WDR19: variants seen among roughly 807,000 people sequenced by gnomAD.
WDR19 encodes the protein WD repeat domain 19.
A neutral mutation model predicts 180.0 loss-of-function variants in WDR19; 121 were observed. The observed-to-expected ratio is 0.67, with a 90% CI of 0.58 to 0.78. The LOEUF (loss-of-function observed/expected upper bound fraction) is 0.78, where lower values mean the gene tolerates loss of function less well. Among genes scored for constraint, WDR19 ranks in the 30% least tolerant of loss-of-function variants. The pLI is 0.00. For synonymous variants in WDR19, 497 were observed against 540.7 expected (o/e 0.92, Z 1.12); for missense variants, 1,450 against 1,640.7 (o/e 0.88, Z 2.01).
In WDR19 at chr4:39,216,185, T is replaced by A; in HGVS notation, c.1224T>A (p.Ala408=). ...TGGCTGTAGGAATGAATAATCGAGCTTGGTTTTATGTCCTTGGAGAAAATG... is the reference window on the plus strand; with the variant it reads ...TGGCTGTAGGAATGAATAATCGAGCATGGTTTTATGTCCTTGGAGAAAATG... The part of the protein sequence containing the change: ...YHLAVGMNNR[A]WFYVLGENAV... Residue 408 remains alanine, a synonymous_variant, in exon 12 of 37, where the codon GCT becomes GCA. Transcript: ENST00000399820. 6.3e-7 allele frequency: 1 copy of A among 1,578,728 alleles called. No homozygotes were observed. Among genetic ancestry groups the A allele is most frequent in the Non-Finnish European group, 8.6e-7 (1 of 1,162,434 alleles).
intron 14 of WDR19, 67 bp downstream of exon 14, chr4:39,218,172 TTC>T: frequency 6.5e-7 from 1 of 1,535,922 alleles, no homozygotes; most frequent in Non-Finnish European, 8.8e-7. Context: ...ATCTCAGTCA[TTC>T]TCTTTTCCTA....
At chr4:39,190,067 G>A (rs1255791113) in intron 4 of WDR19, among the ~76,000 whole-genome samples, 1 of 152,228 alleles carries the variant, frequency 6.6e-6, no homozygotes, top group Non-Finnish European at 1.5e-5. Context: ...CATAGGCATG[G>A]CTAGATCTAG....
At chr4:39,210,992 G>A (rs1276222865) in intron 9 of WDR19, among the ~76,000 whole-genome samples, 1 of 151,936 alleles carries the variant, frequency 6.6e-6, no homozygotes, top group Non-Finnish European at 1.5e-5. Flanking sequence ...TGTAGTCCAA[G>A]CAACTTGGGA....
intron 4 of WDR19, among the ~76,000 whole-genome samples, chr4:39,190,560 C>T (rs1726046567): frequency 6.6e-6 from 1 of 152,152 alleles, no homozygotes; most frequent in South Asian, 2.1e-4. Flanking sequence ...TTCATGTACC[C>T]CTCATGTGGG....
At chr4:39,270,145 G>T in intron 31 of WDR19, 45 bp downstream of exon 31, 1 of 1,606,178 alleles carries the variant, frequency 6.2e-7, no homozygotes, top group Non-Finnish European at 8.5e-7. Flanking sequence ...CCAGGTGTTT[G>T]TCCCCCATTG....
chr4:39,197,106 T>C (rs1456248068), intron 5 of WDR19, among the ~76,000 whole-genome samples: 1 of 152,156 alleles, frequency 6.6e-6, no homozygotes, highest in Admixed American at 6.5e-5. Context: ...CCTACTATTA[T>C]TCCCAATTTA....
chr4:39,245,327 G>T, intron 23 of WDR19, 42 bp from the exon 24 acceptor site: 1 of 1,509,644 alleles, frequency 6.6e-7, no homozygotes, highest in Non-Finnish European at 9.1e-7. Flanking sequence ...CTTTTGGAGT[G>T]AACACAGTAC....
At chr4:39,258,021 T>C (rs1379837282) in intron 28 of WDR19, among the ~76,000 whole-genome samples, 2 of 151,878 alleles carry the variant, frequency 1.3e-5, no homozygotes, top group African/African-American at 2.4e-5. Context: ...TTCTGACTTA[T>C]ATTCTTATAG....
At chr4:39,185,669 C>T in intron 1 of WDR19, 57 bp from the exon 2 acceptor site, 6 of 1,488,812 alleles carry the variant, frequency 4.0e-6, no homozygotes, top group Non-Finnish European at 5.5e-6. Flanking sequence ...GATACCTTTT[C>T]TGATCAACAC....
At chr4:39,205,860 T>C in intron 9 of WDR19, 124 bp downstream of exon 9, 1 of 912,094 alleles carries the variant, frequency 1.1e-6, no homozygotes, top group Non-Finnish European at 1.6e-6. Context: ...CTAAGACTAC[T>C]TTGCTCCTGA....
chr4:39,203,811 A>G (rs1236884098), intron 7 of WDR19, 89 bp downstream of exon 7: 4 of 1,227,992 alleles, frequency 3.3e-6, no homozygotes, highest in Non-Finnish European at 4.7e-6. Context: ...TAAAATAGTG[A>G]TAAATAAATT....
Position 39,281,236 on chromosome 4 carries a change from T to TATATAGAGAGAGAGAG in WDR19, c.*13+2574_*13+2575insTATAGAGAGAGAGAGA, listed in dbSNP as rs762298152. ...GTGTGTATATATATATATATATATA[T>TATATAGAGAGAGAGAG]AGAGAGAGAGAGAGAGAGAGAGAGA... On this transcript the variant is annotated intron_variant, in intron 36 of 36. Coordinates refer to ENST00000399820, the MANE Select transcript of WDR19 (RefSeq NM_025132.4). Among the ~76,000 whole-genome samples, 772 of 103,606 alleles carry TATATAGAGAGAGAGAG rather than the reference T, an allele frequency of 7.5e-3. 6 individuals carry two copies. Among genetic ancestry groups the TATATAGAGAGAGAGAG allele is most frequent in the African/African-American group, 0.019 (362 of 19,146 alleles). The allele number at this position is 103,606 out of a possible 152,430, so 68.0% of individuals were successfully genotyped here. A position where few individuals can be genotyped will look rare whatever the true frequency, so the allele number is the denominator to read the frequency against.
rs1737133616 is a variant in WDR19, at chr4:39,285,700, C to CAT, written c.*228_*229insTA. The CAT allele has an allele frequency of 6.6e-6, 1 of 152,202 alleles. No homozygotes were observed. The highest frequency in any genetic ancestry group is 2.4e-5 in the African/African-American group (1 of 41,438). The allele number at this position is 152,202 out of a possible 1,614,324, so 9.4% of individuals were successfully genotyped here. A position where few individuals can be genotyped will look rare whatever the true frequency, so the allele number is the denominator to read the frequency against. ...TATTTCCTCTTCAAAGTCTTTCTTA[C>CAT]ACACTCTATCCTCTGCACTGTTAAT... On this transcript the variant is annotated 3_prime_UTR_variant, in exon 37 of 37. Transcript: ENST00000399820.
chr4:39,243,455 T>C (rs1298028103), intron 21 of WDR19, among the ~76,000 whole-genome samples: 1 of 152,262 alleles, frequency 6.6e-6, no homozygotes, highest in Admixed American at 6.5e-5. Flanking sequence ...TTTCCACTTG[T>C]ATTTTTTAAT....
At chr4:39,203,793 T>C (rs2109296204) in intron 7 of WDR19, 71 bp downstream of exon 7, 1 of 1,365,344 alleles carries the variant, frequency 7.3e-7, no homozygotes, top group South Asian at 1.2e-5. Flanking sequence ...TTACTTTTCT[T>C]GGATGACTAA....
intron 15 of WDR19, among the ~76,000 whole-genome samples, chr4:39,226,602 G>A (rs183854624): frequency 8.3e-4 from 127 of 152,256 alleles, no homozygotes; most frequent in South Asian, 6.2e-3. Flanking sequence ...ATACTGGCTC[G>A]TCAGCCTACT....
chr4:39,264,458 C>T (rs547843047), intron 28 of WDR19, among the ~76,000 whole-genome samples: 132 of 152,284 alleles, frequency 8.7e-4, no homozygotes, highest in African/African-American at 3.0e-3. Flanking sequence ...AATCCTGCAG[C>T]CTGAGAGCCT....
chr4:39,234,150 A>G (rs943619800), intron 19 of WDR19, among the ~76,000 whole-genome samples: 1 of 152,238 alleles, frequency 6.6e-6, no homozygotes, highest in Admixed American at 6.5e-5. Flanking sequence ...TATCTGGCAG[A>G]TAATAACACT....
chr4:39,258,842 TG>T, intron 28 of WDR19, among the ~76,000 whole-genome samples: 1 of 152,136 alleles, frequency 6.6e-6, no homozygotes, highest in East Asian at 1.9e-4. Flanking sequence ...CTGGGTGCAG[TG>T]GATCACTTGA....
Sources: allele counts gnomAD v4.1 joint callset (sites outside exome capture counted in the v4.1 genomes callset), GRCh38; gene constraint gnomAD v4.1.1; transcripts MANE v1.5; gene names NCBI Gene and HGNC (gene_info 2026-07-23, HGNC 2026-07-21).